The following AAK1 variants were observed in gnomAD, a reference collection of about 807,000 sequenced individuals.
AAK1 encodes the protein AP2 associated kinase 1.
A neutral mutation model predicts 116.0 loss-of-function variants in AAK1; 37 were observed. The ratio of observed to expected loss-of-function variants is 0.32; its 90% confidence interval spans 0.25 to 0.42. The LOEUF is 0.42. Ranked by LOEUF, AAK1 falls within the 10% of genes least tolerant of loss-of-function variation. The pLI is 1.00. For synonymous variants in AAK1, 458 were observed against 439.9 expected, an observed-to-expected ratio of 1.04 and a Z score of -0.51; for missense variants, 919 against 1,170.6, an observed-to-expected ratio of 0.79 and a Z score of 3.14.
intron 2 of AAK1, among the ~76,000 whole-genome samples, chr2:69,571,110 A>C (rs1188745331): frequency 6.6e-6 from 1 of 152,134 alleles, no homozygotes; most frequent in Admixed American, 6.5e-5. Flanking sequence ...CAAGGATTTT[A>C]TTTTTATTCA....
rs1289961979 is a variant in AAK1 at position 69,464,688 on chromosome 2, T to G, written c.*11181A>C. 6.6e-6 allele frequency: 1 copy of G among 152,602 alleles called. No individual in the cohort carries two copies. The highest frequency in any genetic ancestry group is 1.5e-5 in the Non-Finnish European group (1 of 68,084). 9.5% of individuals were successfully genotyped at this position (152,602 alleles called of 1,614,324 possible). ...CACAAACCTGTACACTCACACTAAT[T>G]TCAAAAGCATGGATGTGGGGAAAGC... is the stretch of plus-strand genomic sequence containing the variant. On this transcript the variant is annotated 3_prime_UTR_variant, in exon 22 of 22. Coordinates refer to ENST00000409085, the MANE Select transcript of AAK1 (RefSeq NM_014911.5).
intron 3 of AAK1, among the ~76,000 whole-genome samples, chr2:69,556,584 G>A (rs1331474586): frequency 6.6e-6 from 1 of 152,118 alleles, no homozygotes; most frequent in African/African-American, 2.4e-5. Flanking sequence ...TAATTTCTGG[G>A]AACCATGTTG....
chr2:69,492,367 C>A (rs968359105), intron 17 of AAK1, among the ~76,000 whole-genome samples: 1 of 151,894 alleles, frequency 6.6e-6, no homozygotes, highest in African/African-American at 2.4e-5. Context: ...GCGCCCACCA[C>A]CATGCCCAGC....
At chr2:69,559,494 C>G (rs754563213) in intron 2 of AAK1, among the ~76,000 whole-genome samples, 18 of 152,154 alleles carry the variant, frequency 1.2e-4, no homozygotes, top group Admixed American at 9.8e-4. Flanking sequence ...GTGTAAATTA[C>G]AAAATTTCTA....
Position 69,474,733 on chromosome 2 carries a change from T to C in AAK1, c.*1136A>G. 1 of 985,826 alleles carries C rather than the reference T, an allele frequency of 1.0e-6. No homozygotes were observed. The highest frequency in any genetic ancestry group is 1.2e-6 in the Non-Finnish European group (1 of 829,924). The allele number at this position is 985,826 out of a possible 1,614,324, so 61.1% of individuals were successfully genotyped here. A position where few individuals can be genotyped will look rare whatever the true frequency, so the allele number is the denominator to read the frequency against. On this transcript the variant is annotated 3_prime_UTR_variant, in exon 22 of 22. Coordinates refer to ENST00000409085, the MANE Select transcript of AAK1 (RefSeq NM_014911.5). ...AGACAGAGGACCTGCTGAAAGCTTATAGCACACAAGTCTATTCAAAATGAT... is the reference window on the plus strand; with the variant it reads ...AGACAGAGGACCTGCTGAAAGCTTACAGCACACAAGTCTATTCAAAATGAT...
chr2:69,461,710 GCCTC>G lies in AAK1; in HGVS notation c.*14155_*14158del. 1 of 407,396 alleles carries G rather than the reference GCCTC, an allele frequency of 2.5e-6. No individual in the cohort carries two copies. Among genetic ancestry groups the G allele is most frequent in the South Asian group, 1.7e-5 (1 of 58,974 alleles). The allele number at this position is 407,396 out of a possible 1,614,324, so 25.2% of individuals were successfully genotyped here. ...CCCTGGGTCAAGCAATTCTGCCTCA[GCCTC>G]CCTAGTAACTGGGACTACAGGTGCG... On this transcript the variant is annotated 3_prime_UTR_variant, in exon 22 of 22. Coordinates refer to ENST00000409085, the MANE Select transcript of AAK1 (RefSeq NM_014911.5).
At chr2:69,524,907 G>A in intron 10 of AAK1, 126 bp downstream of exon 10, 1 of 859,142 alleles carries the variant, frequency 1.2e-6, no homozygotes, top group East Asian at 2.5e-5. Flanking sequence ...GCAAGACAGA[G>A]CTTGCTTTCC....
chr2:69,590,414 A>T lies in AAK1; in HGVS notation c.164-33436T>A, dbSNP rs146575629. Among the ~76,000 whole-genome samples the T allele has an allele frequency of 6.4e-3, 975 of 152,324 alleles. 20 individuals carry two copies. Among genetic ancestry groups the T allele is most frequent in the East Asian group, 0.012 (63 of 5,188 alleles). On this transcript the variant is annotated intron_variant, in intron 2 of 21. Transcript: ENST00000409085. ...GGAGAGCACACATTCCAAGAAAGCT[A>T]TACAGAGAAACTGTTTTGATCAGTC... is the stretch of plus-strand genomic sequence containing the variant.
At chr2:69,566,235 C>G (rs1405002873) in intron 2 of AAK1, among the ~76,000 whole-genome samples, 1 of 152,136 alleles carries the variant, frequency 6.6e-6, no homozygotes, top group African/African-American at 2.4e-5. Flanking sequence ...GTTTTCAAAA[C>G]TCTAGAACAG....
At chr2:69,507,249 A>C (rs1181868121) in intron 15 of AAK1, among the ~76,000 whole-genome samples, 172 bp downstream of exon 15, 1 of 152,224 alleles carries the variant, frequency 6.6e-6, no homozygotes, top group Non-Finnish European at 1.5e-5. Flanking sequence ...CCCATGGTAA[A>C]AATAAAAACT....
intron 3 of AAK1, among the ~76,000 whole-genome samples, chr2:69,555,041 TA>T (rs1671331830): frequency 6.6e-6 from 1 of 152,080 alleles, no homozygotes; most frequent in Admixed American, 6.6e-5. Context: ...ATTGCTTTTG[TA>T]ACACAAGTAA....
chr2:69,488,146 GGA>G (rs1237418402), intron 17 of AAK1, among the ~76,000 whole-genome samples: 1 of 131,378 alleles, frequency 7.6e-6, no homozygotes, highest in East Asian at 2.5e-4. Flanking sequence ...GTGTGTGTGT[GGA>G]CGTGTGTGTG....
At chr2:69,551,349 C>G (rs1671176171) in intron 3 of AAK1, among the ~76,000 whole-genome samples, 1 of 152,112 alleles carries the variant, frequency 6.6e-6, no homozygotes, top group Non-Finnish European at 1.5e-5. Context: ...CACACATTTA[C>G]CTATGTAACA....
At chr2:69,482,569 G>T in intron 18 of AAK1, 142 bp downstream of exon 18, 1 of 755,242 alleles carries the variant, frequency 1.3e-6, no homozygotes, top group Non-Finnish European at 2.4e-6. Context: ...ACTTCATTTG[G>T]AGTGATACAA....
intron 3 of AAK1, among the ~76,000 whole-genome samples, chr2:69,546,301 A>C (rs913010571): frequency 6.6e-6 from 1 of 152,202 alleles, no homozygotes; most frequent in Non-Finnish European, 1.5e-5. Context: ...TGGATAATAC[A>C]TAAGGGAGAT....
At chr2:69,594,502 G>C (rs1249607014) in intron 2 of AAK1, among the ~76,000 whole-genome samples, 1 of 152,234 alleles carries the variant, frequency 6.6e-6, no homozygotes, top group Admixed American at 6.5e-5. Flanking sequence ...CCACATGACA[G>C]AGGTGTGTGG....
In AAK1 at chr2:69,643,072, C is replaced by T. The variant is rs1168203280; in HGVS notation, c.-32G>A. On this transcript the variant is annotated 5_prime_UTR_variant, in exon 2 of 22. Transcript: ENST00000409085. ...AATAGGGAGCAGCAAAGCAAAATACCGATGGTTTCTAGATTTTTTTTTTTT... is the reference window on the plus strand; with the variant it reads ...AATAGGGAGCAGCAAAGCAAAATACTGATGGTTTCTAGATTTTTTTTTTTT... 6.7e-6 allele frequency: 10 copies of T among 1,486,682 alleles called. No homozygotes were observed. The Admixed American group carries it at 2.5e-4, about 37-fold the overall frequency. 92.1% of individuals were successfully genotyped at this position (1,486,682 alleles called of 1,614,324 possible). A position where few individuals can be genotyped will look rare whatever the true frequency, so the allele number is the denominator to read the frequency against.
chr2:69,491,055 G>A (rs886422440), intron 17 of AAK1, among the ~76,000 whole-genome samples: 3 of 151,776 alleles, frequency 2.0e-5, no homozygotes, highest in African/African-American at 7.3e-5. Flanking sequence ...TCCTGCCTCA[G>A]CCTCCCAAGT....
intron 2 of AAK1, among the ~76,000 whole-genome samples, chr2:69,583,957 C>A (rs1672652188): frequency 6.6e-6 from 1 of 152,238 alleles, no homozygotes; most frequent in South Asian, 2.1e-4. Context: ...TCCAGGTAAA[C>A]CTGGGGTATC....
Sources: gnomAD v4.1 joint callset for allele counts (sites outside exome capture counted in the v4.1 genomes callset) on GRCh38, gnomAD v4.1.1 for gene constraint, MANE v1.5 for transcripts, NCBI Gene and HGNC (gene_info 2026-07-23, HGNC 2026-07-21) for gene names.